The following ASNS variants were observed in gnomAD, a reference collection of about 807,000 sequenced individuals.
The protein encoded by ASNS is asparagine synthetase (glutamine-hydrolyzing), also known as asparagine synthetase [glutamine-hydrolyzing].
ASNS carries 37 observed loss-of-function variants against 62.6 expected under a neutral mutation model. That is an observed-to-expected ratio of 0.59 (90% CI 0.45 to 0.78). The LOEUF (loss-of-function observed/expected upper bound fraction) is 0.78, where lower values mean the gene tolerates loss of function less well. Ranked by LOEUF, ASNS falls within the 30% of genes least tolerant of loss-of-function variation. The probability of loss-of-function intolerance (pLI) is 0.00; values close to 1 mark genes in which losing one functional copy is unlikely to be tolerated. For missense variants in ASNS, 520 were observed against 682.4 expected (o/e 0.76, Z 2.65); for synonymous variants, 207 against 237.9 (o/e 0.87, Z 1.19).
chr7:97,859,499 T>A (rs1165613939), intron 4 of ASNS, 101 bp from the exon 5 acceptor site: 1 of 1,269,420 alleles, frequency 7.9e-7, no homozygotes, highest in African/African-American at 1.5e-5. Context: ...CCCTTTTTAA[T>A]ACAAACACAT....
chr7:97,896,607 A>C, the ASNS span, among the ~76,000 whole-genome samples: 1 of 139,416 alleles, frequency 7.2e-6, no homozygotes, highest in East Asian at 2.2e-4. Flanking sequence ...AAAAAGAAAA[A>C]AAAAAAAACC....
the ASNS span, among the ~76,000 whole-genome samples, chr7:97,926,343 G>C: frequency 6.6e-6 from 1 of 152,142 alleles, no homozygotes; most frequent in African/African-American, 2.4e-5. Flanking sequence ...AAAATAATCT[G>C]CTATTAAAGA....
At chr7:97,896,741 C>CACACACACACATATATAT in the ASNS span, among the ~76,000 whole-genome samples, 2 of 19,782 alleles carry the variant, frequency 1.0e-4, no homozygotes, top group African/African-American at 2.2e-4. Flanking sequence ...CACACACACA[C>CACACACACACATATATAT]ATATATATAT....
chr7:97,918,136 G>A, the ASNS span, among the ~76,000 whole-genome samples: 9 of 152,290 alleles, frequency 5.9e-5, no homozygotes, highest in Middle Eastern at 3.4e-3. Flanking sequence ...GGTAGGGGCT[G>A]GACCCCCCAG....
intron 4 of ASNS, among the ~76,000 whole-genome samples, chr7:97,859,889 T>G (rs754771074): frequency 5.9e-5 from 9 of 152,208 alleles, no homozygotes; most frequent in African/African-American, 1.4e-4. Flanking sequence ...TAAAGTCAGA[T>G]AAGAAGACAT....
the ASNS span, among the ~76,000 whole-genome samples, chr7:97,900,693 T>C: frequency 6.6e-6 from 1 of 152,196 alleles, no homozygotes; most frequent in African/African-American, 2.4e-5. Flanking sequence ...GGTCTCTAAA[T>C]GACTTCATCA....
In ASNS at chr7:97,852,154, C is replaced by A. The variant is rs75198492; in HGVS notation, c.*105G>T. On this transcript the variant is annotated 3_prime_UTR_variant, in exon 13 of 13. Coordinates refer to ENST00000394308, the MANE Select transcript of ASNS (RefSeq NM_001673.5). ...TTAGATTTAGGACTTTTATTTTTTT[C>A]ACACCCAAGTTAGCCTGAGTTGACT... 5,451 of 1,288,094 alleles carry A rather than the reference C, an allele frequency of 4.2e-3. 247 individuals are homozygous for A. In the East Asian group the frequency reaches 0.11, roughly 27 times the overall value. The allele number at this position is 1,288,094 out of a possible 1,614,324, so 79.8% of individuals were successfully genotyped here.
At position 97,852,469 on chromosome 7, in the gene ASNS, C is replaced by G; in HGVS notation, c.1477-1G>C. Reference sequence around the variant, plus strand: ...CATTTGCCATCATTGCATCATCAACCTGTAAGAATAAGCATATAAGAGCAA... The same window carrying G: ...CATTTGCCATCATTGCATCATCAACGTGTAAGAATAAGCATATAAGAGCAA... On this transcript the variant is annotated splice_acceptor_variant, in intron 12 of 12. Transcript: ENST00000394308. LOFTEE classifies it high-confidence loss of function. The G allele has an allele frequency of 6.2e-7, 1 of 1,614,016 alleles. No individual in the cohort carries two copies.
rs1584463259 is a variant in ASNS at position 97,858,276 on chromosome 7, A to C, written c.903+2T>G. 1 of 1,612,810 alleles carries C rather than the reference A, an allele frequency of 6.2e-7. No individual in the cohort carries two copies. Among genetic ancestry groups the C allele is most frequent in the Non-Finnish European group, 8.5e-7 (1 of 1,179,956 alleles). ...ACACAAGGGACAGAGACAGCACCTT[A>C]CCTTTCTAGCAGCCAGTAAATCGGG... On this transcript the variant is annotated splice_donor_variant, in intron 7 of 12. Coordinates refer to ENST00000394308, the MANE Select transcript of ASNS (RefSeq NM_001673.5). LOFTEE classifies it high-confidence loss of function.
At chr7:97,901,198 A>C in the ASNS span, among the ~76,000 whole-genome samples, 111 of 151,966 alleles carry the variant, frequency 7.3e-4, no homozygotes, top group Non-Finnish European at 1.3e-3. Context: ...TCTGTATCTC[A>C]GTCATCTTTT....
At chr7:97,908,548 G>C in the ASNS span, 2 of 151,782 alleles carry the variant, frequency 1.3e-5, no homozygotes, top group South Asian at 2.1e-4. Flanking sequence ...TTACAGGCAC[G>C]CACCACTACT....
chr7:97,899,529 A>G, the ASNS span, among the ~76,000 whole-genome samples: 1 of 152,242 alleles, frequency 6.6e-6, no homozygotes, highest in African/African-American at 2.4e-5. Context: ...TCAGAGATGT[A>G]CACAAACATT....
the ASNS span, among the ~76,000 whole-genome samples, chr7:97,890,081 T>C: frequency 6.6e-6 from 1 of 151,842 alleles, no homozygotes; most frequent in South Asian, 2.1e-4. Flanking sequence ...TTGACAGCTT[T>C]AACAATAGAC....
At chr7:97,868,439 T>C (rs1340574346) in intron 3 of ASNS, among the ~76,000 whole-genome samples, 2 of 152,212 alleles carry the variant, frequency 1.3e-5, no homozygotes, top group Non-Finnish European at 2.9e-5. Context: ...AAGAATGTCC[T>C]TATTCTTAGG....
the ASNS span, among the ~76,000 whole-genome samples, chr7:97,911,784 TG>T: frequency 6.3e-4 from 95 of 151,716 alleles, 1 homozygote; most frequent in African/African-American, 2.2e-3. Flanking sequence ...GAGGGAAGCG[TG>T]GGGGAGGCTG....
At chr7:97,872,174 T>C (rs942958758) in intron 1 of ASNS, 177 bp downstream of exon 1, 7 of 152,312 alleles carry the variant, frequency 4.6e-5, no homozygotes, top group African/African-American at 1.4e-4. Flanking sequence ...TCGCTAGGCG[T>C]CCGCCCCGCC....
chr7:97,875,925 T>C (rs1051956683), upstream of ASNS, among the ~76,000 whole-genome samples: 3 of 151,778 alleles, frequency 2.0e-5, no homozygotes, highest in African/African-American at 7.3e-5. Context: ...GGCATGATCA[T>C]GGATCGCTGC....
At chr7:97,878,633 G>C in the ASNS span, among the ~76,000 whole-genome samples, 1 of 152,112 alleles carries the variant, frequency 6.6e-6, no homozygotes, top group Non-Finnish European at 1.5e-5. Flanking sequence ...ACTGCTCAAC[G>C]AAATAAAAGA....
At chr7:97,914,212 G>T in the ASNS span, among the ~76,000 whole-genome samples, 11 of 149,888 alleles carry the variant, frequency 7.3e-5, no homozygotes, top group Admixed American at 7.3e-4. Context: ...GGATGGAATG[G>T]TGGATAGATG....
Sources: gnomAD v4.1 joint callset for allele counts (sites outside exome capture counted in the v4.1 genomes callset) on GRCh38, gnomAD v4.1.1 for gene constraint, MANE v1.5 for transcripts, NCBI Gene and HGNC (gene_info 2026-07-23, HGNC 2026-07-21) for gene names.